PHYHIPL: variants seen among roughly 807,000 people sequenced by gnomAD.
PHYHIPL encodes phytanoyl-CoA 2-hydroxylase interacting protein like, also known as phytanoyl-CoA hydroxylase-interacting protein-like.
Under a neutral mutation model 33.4 loss-of-function variants are expected in PHYHIPL, and 9 were observed. That is an observed-to-expected ratio of 0.27 (90% CI 0.16 to 0.47). The LOEUF (loss-of-function observed/expected upper bound fraction) is 0.47, where lower values mean the gene tolerates loss of function less well. Ranked by LOEUF, PHYHIPL falls within the 20% of genes least tolerant of loss-of-function variation. The pLI is 0.99. For synonymous variants in PHYHIPL, 153 were observed against 154.1 expected, an observed-to-expected ratio of 0.99 and a Z score of 0.05; for missense variants, 365 against 460.7, an observed-to-expected ratio of 0.79 and a Z score of 1.90.
At chr10:59,184,994 T>C (rs1838535052) in intron 1 of PHYHIPL, among the ~76,000 whole-genome samples, 1 of 143,004 alleles carries the variant, frequency 7.0e-6, no homozygotes, top group Non-Finnish European at 1.5e-5. Flanking sequence ...ATTTTTTTTT[T>C]TTTTTTTTTT....
chr10:59,185,674 G>A (rs955394369), intron 1 of PHYHIPL, among the ~76,000 whole-genome samples: 6 of 152,150 alleles, frequency 3.9e-5, no homozygotes, highest in African/African-American at 1.4e-4. Context: ...GTGTGAGATG[G>A]TATCTCATTG....
chr10:59,236,311 A>G (rs1840228092), intron 2 of PHYHIPL, among the ~76,000 whole-genome samples, 172 bp from the exon 3 acceptor site: 1 of 151,630 alleles, frequency 6.6e-6, no homozygotes, highest in African/African-American at 2.4e-5. Flanking sequence ...AAGTTATACT[A>G]CTAAATTAAC....
Position 59,246,391 on chromosome 10 carries a change from G to A in PHYHIPL, c.*800G>A. ...TAGGTAAATACAGAGAAAACAATAA[G>A]CCTCTGAAATAAGTCTGTTTCTGAA... On this transcript the variant is annotated 3_prime_UTR_variant, in exon 5 of 5. Transcript: ENST00000373880. 3.2e-6 allele frequency: 1 copy of A among 315,346 alleles called. No individual in the cohort carries two copies. The highest frequency in any genetic ancestry group is 5.7e-6 in the Non-Finnish European group (1 of 174,200). 19.5% of individuals were successfully genotyped at this position (315,346 alleles called of 1,614,324 possible). A position where few individuals can be genotyped will look rare whatever the true frequency, so the allele number is the denominator to read the frequency against.
At chr10:59,202,325 A>G (rs571264191) in intron 1 of PHYHIPL, among the ~76,000 whole-genome samples, 2 of 152,326 alleles carry the variant, frequency 1.3e-5, no homozygotes, top group East Asian at 3.9e-4. Flanking sequence ...CATGTACCCC[A>G]GAATCTAAAA....
rs368421603 is a variant in PHYHIPL, at chr10:59,227,424, A to G, written c.107-6880A>G. On this transcript the variant is annotated intron_variant, in intron 1 of 4. Transcript: ENST00000373880. Reference sequence around the variant, plus strand: ...CACTCCCATGAGATGGCATTAATCTATTGATGAGAGCAGAGTCCCCATGAT... The same window carrying G: ...CACTCCCATGAGATGGCATTAATCTGTTGATGAGAGCAGAGTCCCCATGAT... Among the ~76,000 whole-genome samples, 7 of 152,274 alleles carry G rather than the reference A, an allele frequency of 4.6e-5. 1 individual carries two copies. The highest frequency in any genetic ancestry group is 6.5e-5 in the Admixed American group (1 of 15,294).
intron 1 of PHYHIPL, among the ~76,000 whole-genome samples, chr10:59,183,401 A>T (rs1353876511): frequency 1.3e-5 from 2 of 152,232 alleles, no homozygotes; most frequent in Admixed American, 1.3e-4. Flanking sequence ...TTAAAAAGTC[A>T]GCAATTCTTG....
In PHYHIPL at chr10:59,245,631, C is replaced by T. The variant is rs375175393; in HGVS notation, c.*40C>T. 1.3e-6 allele frequency: 2 copies of T among 1,533,680 alleles called. No homozygotes were observed. The highest frequency in any genetic ancestry group is 1.8e-6 in the Non-Finnish European group (2 of 1,142,704). Reference sequence around the variant, plus strand: ...ATTCTTACTCAGCCCCTTTTCCTCCCTTAGGAGCATTGGTCCTCTGTTGTC... The same window carrying T: ...ATTCTTACTCAGCCCCTTTTCCTCCTTTAGGAGCATTGGTCCTCTGTTGTC... On this transcript the variant is annotated 3_prime_UTR_variant, in exon 5 of 5. Coordinates refer to ENST00000373880, the MANE Select transcript of PHYHIPL (RefSeq NM_032439.4).
rs1431287882 is a variant in PHYHIPL, at chr10:59,247,525, T to C, written c.*1934T>C. On this transcript the variant is annotated 3_prime_UTR_variant, in exon 5 of 5. Coordinates refer to ENST00000373880, the MANE Select transcript of PHYHIPL (RefSeq NM_032439.4). ...TACCACTAAAGTGCTTCCATTTTCA[T>C]TGTGTCAAAACTACTTAGCAAGGAT... 2 of 1,539,298 alleles carry C rather than the reference T, an allele frequency of 1.3e-6. No homozygotes were observed. Among genetic ancestry groups the C allele is most frequent in the East Asian group, 2.3e-5 (1 of 44,150 alleles).
chr10:59,235,748 A>G (rs1476675925), intron 2 of PHYHIPL, among the ~76,000 whole-genome samples: 1 of 151,960 alleles, frequency 6.6e-6, no homozygotes, highest in African/African-American at 2.4e-5. Context: ...CACTTGGAAT[A>G]CCATATCCTT....
At position 59,240,639 on chromosome 10, in the gene PHYHIPL, T is replaced by C. The variant is rs115774428; in HGVS notation, c.596+1934T>C. Among the ~76,000 whole-genome samples, 402 of 152,152 alleles carry C rather than the reference T, an allele frequency of 2.6e-3. 2 individuals are homozygous for C. The highest frequency in any genetic ancestry group is 9.1e-3 in the African/African-American group (376 of 41,532). ...AGGGACTGTCTGTATTTGTTACGCA[T>C]AAAATTTGAAAACAAAAAAAACCCC... On this transcript the variant is annotated intron_variant, in intron 4 of 4. Coordinates refer to ENST00000373880, the MANE Select transcript of PHYHIPL (RefSeq NM_032439.4).
chr10:59,175,782 A>G (rs1838237571), upstream of PHYHIPL, among the ~76,000 whole-genome samples: 1 of 152,248 alleles, frequency 6.6e-6, no homozygotes, highest in South Asian at 2.1e-4. Flanking sequence ...TTCCAAATCC[A>G]TGGGAGCAGG....
rs974150667 is a variant in PHYHIPL, at chr10:59,241,870, A to G, written c.596+3165A>G. 5.3e-5 allele frequency among the ~76,000 whole-genome samples: 8 copies of G among 152,274 alleles called. No homozygotes were observed. In the East Asian group the frequency reaches 1.2e-3, roughly 22 times the overall value. On this transcript the variant is annotated intron_variant, in intron 4 of 4. Coordinates refer to ENST00000373880, the MANE Select transcript of PHYHIPL (RefSeq NM_032439.4). ...AAAGATATCTCTTTTGTCTGTGCCA[A>G]TGAGCACAGACAAAAAAGAAATAAA...
chr10:59,215,541 G>A (rs151076169), intron 1 of PHYHIPL, among the ~76,000 whole-genome samples: 101 of 151,926 alleles, frequency 6.6e-4, no homozygotes, highest in African/African-American at 2.3e-3. Context: ...AAATAATTGC[G>A]ACAAGACGGC....
chr10:59,219,287 A>G lies in PHYHIPL; in HGVS notation c.107-15017A>G, dbSNP rs1839698473. On this transcript the variant is annotated intron_variant, in intron 1 of 4. Coordinates refer to ENST00000373880, the MANE Select transcript of PHYHIPL (RefSeq NM_032439.4). ...ATAAATTGCTGTAGTGTTTCTGCACATGGAAGATATTCTTTACGTAGTTTG... is the reference window on the plus strand; with the variant it reads ...ATAAATTGCTGTAGTGTTTCTGCACGTGGAAGATATTCTTTACGTAGTTTG... 4 of 873,162 alleles carry G rather than the reference A, an allele frequency of 4.6e-6. No homozygotes were observed. In the South Asian group the frequency reaches 1.6e-4, roughly 34 times the overall value. 54.1% of individuals were successfully genotyped at this position (873,162 alleles called of 1,614,324 possible). A position where few individuals can be genotyped will look rare whatever the true frequency, so the allele number is the denominator to read the frequency against.
At chr10:59,195,624 G>C (rs1044172404) in intron 1 of PHYHIPL, among the ~76,000 whole-genome samples, 1 of 152,174 alleles carries the variant, frequency 6.6e-6, no homozygotes, top group Non-Finnish European at 1.5e-5. Context: ...CAGGGGAGAA[G>C]GGTAGGAGAA....
intron 1 of PHYHIPL, among the ~76,000 whole-genome samples, chr10:59,221,068 A>G (rs936385060): frequency 3.9e-5 from 6 of 152,044 alleles, no homozygotes; most frequent in African/African-American, 9.7e-5. Context: ...ATTTGCCCAG[A>G]CTAGACTAGA....
At chr10:59,174,048 C>T (rs1463785237), upstream of PHYHIPL, among the ~76,000 whole-genome samples, 3 of 147,844 alleles carry the variant, frequency 2.0e-5, no homozygotes, top group African/African-American at 7.6e-5. Context: ...CCTGTCTCCG[C>T]CCTGTTCAAG....
rs114854867 is a variant in PHYHIPL, at chr10:59,202,580, T to C, written c.106+25621T>C. The stretch of plus-strand genomic sequence containing the variant: ...TCTGAATGATACCACTTTTATACCA[T>C]TTTGGTGTGCTTATACAGCTTTGAG... On this transcript the variant is annotated intron_variant, in intron 1 of 4. Coordinates refer to ENST00000373880, the MANE Select transcript of PHYHIPL (RefSeq NM_032439.4). Among the ~76,000 whole-genome samples, 670 of 152,292 alleles carry C rather than the reference T, an allele frequency of 4.4e-3. 4 individuals are homozygous for C. Among genetic ancestry groups the C allele is most frequent in the African/African-American group, 0.015 (606 of 41,558 alleles).
intron 1 of PHYHIPL, among the ~76,000 whole-genome samples, chr10:59,179,408 T>C (rs1313561460): frequency 6.6e-6 from 1 of 152,216 alleles, no homozygotes; most frequent in East Asian, 1.9e-4. Flanking sequence ...ATAAGAGCTA[T>C]ATTTCATAAT....
Sources: gnomAD v4.1 joint callset for allele counts (sites outside exome capture counted in the v4.1 genomes callset) on GRCh38, gnomAD v4.1.1 for gene constraint, MANE v1.5 for transcripts, NCBI Gene and HGNC (gene_info 2026-07-23, HGNC 2026-07-21) for gene names.